Variants in DYNC1LI1 observed in about 807,000 individuals in gnomAD.
The protein encoded by DYNC1LI1 is cytoplasmic dynein 1 light intermediate chain 1.
DYNC1LI1 carries 19 observed loss-of-function variants against 63.8 expected under a neutral mutation model. The ratio of observed to expected loss-of-function variants is 0.30; its 90% confidence interval spans 0.21 to 0.44. The LOEUF is 0.44. Among genes scored for constraint, DYNC1LI1 ranks in the 20% least tolerant of loss-of-function variants. The pLI, the probability that DYNC1LI1 is intolerant of heterozygous loss-of-function variation, is 1.00. For synonymous variants in DYNC1LI1, 225 were observed against 232.3 expected (o/e 0.97, Z 0.28); for missense variants, 565 against 630.2 (o/e 0.90, Z 1.11).
chr3:32,546,750 C>CCA (rs1354331820), intron 2 of DYNC1LI1, among the ~76,000 whole-genome samples: 1 of 152,066 alleles, frequency 6.6e-6, no homozygotes, highest in African/African-American at 2.4e-5. Context: ...GGACAGGGAA[C>CCA]TGTGACCTTT....
rs1266347530 is a variant in DYNC1LI1 at position 32,554,916 on chromosome 3, AT to A, written c.221-8952del. 2.4e-5 allele frequency among the ~76,000 whole-genome samples: 3 copies of A among 125,834 alleles called. No homozygotes were observed. The East Asian group carries it at 7.6e-4, about 32-fold the overall frequency. 82.6% of individuals were successfully genotyped at this position (125,834 alleles called of 152,430 possible). A position where few individuals can be genotyped will look rare whatever the true frequency, so the allele number is the denominator to read the frequency against. On this transcript the variant is annotated intron_variant, in intron 2 of 12. Transcript: ENST00000273130. ...ACAGACTCTCACTTTGTCACCCAGGATGGAGTGCAATAGCGCAATCTTGGCT... is the reference window on the plus strand; with the variant it reads ...ACAGACTCTCACTTTGTCACCCAGGAGGAGTGCAATAGCGCAATCTTGGCT...
At position 32,534,601 on chromosome 3, in the gene DYNC1LI1, A is replaced by G. The variant is rs1697750117; in HGVS notation, c.878T>C (p.Ile293Thr). The stretch of plus-strand genomic sequence containing the variant: ...AACGATGTATTTATATACTAAGTCT[A>G]TATTTTTGTTTTCTTTTACTGAAGT... The part of the protein sequence containing the change: ...IYTSVKENKN[I>T]DLVYKYIVQK... Residue 293 changes from isoleucine to threonine, a missense_variant, in exon 7 of 13, where the codon ATA becomes ACA. Physicochemically the swap from Ile to Thr is moderately conservative, Grantham distance 89. Transcript: ENST00000273130. The G allele has an allele frequency of 1.9e-6, 3 of 1,591,248 alleles. No individual in the cohort carries two copies. The highest frequency in any genetic ancestry group is 1.7e-5 in the Admixed American group (1 of 57,622).
chr3:32,561,045 A>AAC (rs1443871752), intron 2 of DYNC1LI1, among the ~76,000 whole-genome samples: 3 of 148,932 alleles, frequency 2.0e-5, no homozygotes, highest in African/African-American at 5.0e-5. Flanking sequence ...AAACAAAAAA[A>AAC]ACACACACAC....
At chr3:32,538,574 G>A (rs564464039) in intron 5 of DYNC1LI1, among the ~76,000 whole-genome samples, 11 of 152,104 alleles carry the variant, frequency 7.2e-5, no homozygotes, top group South Asian at 4.1e-4. Context: ...GGTGGCGGGC[G>A]CCTGTGGTCC....
intron 3 of DYNC1LI1, 115 bp downstream of exon 3, chr3:32,545,734 T>C: frequency 2.6e-6 from 2 of 762,662 alleles, no homozygotes; most frequent in Non-Finnish European, 2.3e-6. Flanking sequence ...TTGACCAGCA[T>C]GACATCACAG....
At position 32,528,613 on chromosome 3, in the gene DYNC1LI1, T is replaced by TA. The variant is rs780809616; in HGVS notation, c.1307-13dup. On this transcript the variant is annotated splice_polypyrimidine_tract_variant and intron_variant, in intron 11 of 12. Coordinates refer to ENST00000273130, the MANE Select transcript of DYNC1LI1 (RefSeq NM_016141.4). Reference sequence around the variant, plus strand: ...ACTTGTAGCTCCAGCTATAAAAAAATAAAAAAACAAAAAGCTTTAGCCAAA... The same window carrying TA: ...ACTTGTAGCTCCAGCTATAAAAAAATAAAAAAAACAAAAAGCTTTAGCCAAA... 9.5e-6 allele frequency: 15 copies of TA among 1,583,448 alleles called. No homozygotes were observed. The Admixed American group carries it at 1.2e-4, about 12-fold the overall frequency.
intron 5 of DYNC1LI1, among the ~76,000 whole-genome samples, chr3:32,540,087 T>C (rs1697859727): frequency 6.6e-6 from 1 of 151,142 alleles, no homozygotes; most frequent in African/African-American, 2.4e-5. Flanking sequence ...GCCAGGATGG[T>C]CTCGATCTCC....
chr3:32,564,175 G>A (rs1265055762), intron 2 of DYNC1LI1, among the ~76,000 whole-genome samples: 5 of 152,158 alleles, frequency 3.3e-5, no homozygotes, highest in African/African-American at 1.2e-4. Context: ...CCATCGTGGT[G>A]GGACTACAGT....
intron 4 of DYNC1LI1, among the ~76,000 whole-genome samples, chr3:32,543,565 A>AT (rs113578821): frequency 0.098 from 13,805 of 140,742 alleles, 664 homozygotes; most frequent in South Asian, 0.14. Context: ...TGCTGGGCTA[A>AT]TTTTTTTTTT....
chr3:32,530,324 A>C lies in DYNC1LI1; in HGVS notation c.1145T>G (p.Leu382Arg). The C allele has an allele frequency of 6.2e-7, 1 of 1,605,868 alleles. No individual in the cohort carries two copies. The highest frequency in any genetic ancestry group is 8.5e-7 in the Non-Finnish European group (1 of 1,175,976). The change falls in exon 10 of 13, where the codon CTT (leucine) becomes CGT (arginine). Residue 382 changes from leucine to arginine, a missense_variant. Leu to Arg is a moderately radical substitution (Grantham distance 102, BLOSUM62 -2). Coordinates refer to ENST00000273130, the MANE Select transcript of DYNC1LI1 (RefSeq NM_016141.4). Reference protein sequence around the residue: ...DQVFLMKLQSLLAKQPPTAAG... With the variant: ...DQVFLMKLQSRLAKQPPTAAG... ...TGCAGTTGGTGGTTGCTTTGCTAAA[A>C]GGGACTGAAAAAAAAAAAAAAAAAG... is the stretch of plus-strand genomic sequence containing the variant.
chr3:32,560,575 T>C (rs1341692956), intron 2 of DYNC1LI1, among the ~76,000 whole-genome samples: 1 of 152,192 alleles, frequency 6.6e-6, no homozygotes, highest in Non-Finnish European at 1.5e-5. Context: ...TACATGATAG[T>C]TCCCAGCCCT....
At chr3:32,565,273 G>A (rs541599049) in intron 2 of DYNC1LI1, among the ~76,000 whole-genome samples, 5 of 152,162 alleles carry the variant, frequency 3.3e-5, no homozygotes, top group East Asian at 3.9e-4. Context: ...TCAAATAGCC[G>A]GATTTACAGA....
At chr3:32,552,285 T>C (rs1698053454) in intron 2 of DYNC1LI1, among the ~76,000 whole-genome samples, 1 of 152,216 alleles carries the variant, frequency 6.6e-6, no homozygotes, top group Admixed American at 6.5e-5. Flanking sequence ...TATTCATTCA[T>C]TCATTCATTT....
At chr3:32,554,442 T>G (rs1698084588) in intron 2 of DYNC1LI1, among the ~76,000 whole-genome samples, 1 of 152,220 alleles carries the variant, frequency 6.6e-6, no homozygotes, top group African/African-American at 2.4e-5. Flanking sequence ...TGTAACAAGT[T>G]AGAAATGGTC....
chr3:32,549,433 T>C (rs1336965706), intron 2 of DYNC1LI1, among the ~76,000 whole-genome samples: 1 of 152,052 alleles, frequency 6.6e-6, no homozygotes, highest in African/African-American at 2.4e-5. Context: ...TCAAGATTTC[T>C]TAAGGTTTTT....
rs938356492 is a variant in DYNC1LI1 at position 32,528,437 on chromosome 3, T to C, written c.1462+9A>G. The C allele has an allele frequency of 2.5e-6, 4 of 1,614,068 alleles. No homozygotes were observed. The highest frequency in any genetic ancestry group is 1.7e-5 in the Admixed American group (1 of 60,024). On this transcript the variant is annotated intron_variant, in intron 12 of 12. Transcript: ENST00000273130. ...TTTTAAACAAGTGACTTGCTTCCCA[T>C]AAGCATACCTGACTTTTTGGTGGAT...
At chr3:32,566,807 A>G (rs1214258210) in intron 2 of DYNC1LI1, 1 of 348,338 alleles carries the variant, frequency 2.9e-6, no homozygotes, top group Non-Finnish European at 5.6e-6. Flanking sequence ...TAAATATAAA[A>G]GGTAAAAATG....
Position 32,570,336 on chromosome 3 carries a change from G to A in DYNC1LI1, c.220+10C>T, listed in dbSNP as rs779165344. On this transcript the variant is annotated intron_variant, in intron 2 of 12. Coordinates refer to ENST00000273130, the MANE Select transcript of DYNC1LI1 (RefSeq NM_016141.4). ...GCCGGGCGGGGCGGGGCGAGGCAGG[G>A]AACACTTACCCAGCAGTAGCACGTT... The A allele has an allele frequency of 2.5e-6, 4 of 1,592,682 alleles. No homozygotes were observed. Among genetic ancestry groups the A allele is most frequent in the East Asian group, 2.3e-5 (1 of 43,972 alleles).
chr3:32,566,767 A>C (rs1698265984), intron 2 of DYNC1LI1: 2 of 429,078 alleles, frequency 4.7e-6, no homozygotes, highest in Admixed American at 5.4e-5. Context: ...AAACAAAAAA[A>C]CAAATATAAT....
Sources: allele counts gnomAD v4.1 joint callset (sites outside exome capture counted in the v4.1 genomes callset), GRCh38; gene constraint gnomAD v4.1.1; transcripts MANE v1.5; gene names NCBI Gene and HGNC (gene_info 2026-07-23, HGNC 2026-07-21).